Variants in KIF26B observed in about 807,000 individuals in gnomAD.
KIF26B encodes kinesin family member 26B, also known as kinesin-like protein KIF26B.
A neutral mutation model predicts 151.2 loss-of-function variants in KIF26B; 63 were observed. The ratio of observed to expected loss-of-function variants is 0.42; its 90% confidence interval spans 0.34 to 0.51. KIF26B has a LOEUF of 0.51. Ranked by LOEUF, KIF26B falls within the 20% of genes least tolerant of loss-of-function variation. The pLI, the probability that KIF26B is intolerant of heterozygous loss-of-function variation, is 0.07. For missense variants in KIF26B, 2,813 were observed against 2,913.6 expected (o/e 0.97, Z 0.79); for synonymous variants, 1,357 against 1,262.1 (o/e 1.08, Z -1.59).
intron 2 of KIF26B, among the ~76,000 whole-genome samples, chr1:245,280,342 C>G (rs1284093389): frequency 6.9e-6 from 1 of 144,290 alleles, no homozygotes. Flanking sequence ...TGAAACCCGT[C>G]TCTACTAAAA....
intron 4 of KIF26B, among the ~76,000 whole-genome samples, chr1:245,532,872 A>G (rs1661405374): frequency 6.6e-6 from 1 of 152,186 alleles, no homozygotes; most frequent in Admixed American, 6.5e-5. Flanking sequence ...GGATGCTCTT[A>G]TTCCCGATAC....
rs796233719 is a variant in KIF26B, at chr1:245,600,285, G to A, written c.1351-2292G>A. Among the ~76,000 whole-genome samples the A allele has an allele frequency of 6.7e-3, 921 of 137,624 alleles. 13 individuals are homozygous for A. The highest frequency in any genetic ancestry group is 0.023 in the African/African-American group (885 of 37,800). The allele number at this position is 137,624 out of a possible 152,430, so 90.3% of individuals were successfully genotyped here. On this transcript the variant is annotated intron_variant, in intron 5 of 14. Transcript: ENST00000407071. ...TATCTCCTGACCTTGTGATCCGCCC[G>A]CCTCGGCCTCCCAAAGTGCTGGGAT... is the stretch of plus-strand genomic sequence containing the variant.
chr1:245,346,380 G>A (rs558668779), intron 2 of KIF26B, among the ~76,000 whole-genome samples: 12 of 152,076 alleles, frequency 7.9e-5, no homozygotes, highest in African/African-American at 2.2e-4. Context: ...TGGTGCTAGC[G>A]CCTCATCACT....
At chr1:245,521,297 A>AC (rs772398299) in intron 4 of KIF26B, among the ~76,000 whole-genome samples, 22 of 151,466 alleles carry the variant, frequency 1.5e-4, no homozygotes, top group South Asian at 6.3e-4. Context: ...AGATCGCACC[A>AC]CTGCACTCCA....
At chr1:245,500,801 G>A (rs1039503763) in intron 4 of KIF26B, among the ~76,000 whole-genome samples, 9 of 152,246 alleles carry the variant, frequency 5.9e-5, no homozygotes, top group African/African-American at 2.2e-4. Flanking sequence ...GGATAAGAAT[G>A]TGATGAATTA....
At chr1:245,697,469 C>A (rs1410222777) in intron 12 of KIF26B, among the ~76,000 whole-genome samples, 1 of 152,174 alleles carries the variant, frequency 6.6e-6, no homozygotes, top group East Asian at 1.9e-4. Context: ...ACAGTGTTTT[C>A]TGGAACTCCT....
chr1:245,619,603 CAAAA>C (rs34022501), intron 9 of KIF26B, among the ~76,000 whole-genome samples: 2 of 110,772 alleles, frequency 1.8e-5, no homozygotes. Flanking sequence ...GAAACTGTTT[CAAAA>C]AAAAAAAAAA....
intron 4 of KIF26B, among the ~76,000 whole-genome samples, chr1:245,424,241 TG>T (rs1423950716): frequency 6.6e-6 from 1 of 151,966 alleles, no homozygotes; most frequent in Admixed American, 6.6e-5. Context: ...CTGCAACCTC[TG>T]CCTCCCAGGT....
At chr1:245,615,964 G>A (rs1379018295) in intron 9 of KIF26B, among the ~76,000 whole-genome samples, 1 of 152,200 alleles carries the variant, frequency 6.6e-6, no homozygotes, top group Non-Finnish European at 1.5e-5. Context: ...ACTCAATTAG[G>A]GGAAAGTTTA....
intron 3 of KIF26B, among the ~76,000 whole-genome samples, chr1:245,376,837 A>C (rs1246558640): frequency 6.6e-6 from 1 of 151,998 alleles, no homozygotes; most frequent in Non-Finnish European, 1.5e-5. Flanking sequence ...ACAGGTGCCC[A>C]CCACCACACC....
intron 3 of KIF26B, among the ~76,000 whole-genome samples, chr1:245,389,141 T>C (rs753580732): frequency 2.0e-5 from 3 of 152,170 alleles, no homozygotes; most frequent in Non-Finnish European, 2.9e-5. Context: ...GAGACAGAGT[T>C]TCACTCTTGT....
At position 245,611,976 on chromosome 1, in the gene KIF26B, A is replaced by G. The variant is rs894690149; in HGVS notation, c.2098A>G (p.Met700Val). Reference protein sequence around the residue: ...YRMEKSGKGGMSGGRSRLHLI... With the variant: ...YRMEKSGKGGVSGGRSRLHLI... ...GATGGAGAAGAGCGGGAAAGGGGGA[A>G]GTAAGTCGGCCACTCCACCCTCCTG... The change falls in exon 9 of 15, where the codon ATG becomes GTG. Residue 700 changes from methionine to valine, a missense_variant and splice_region_variant. Around this residue, in one of 3 missense-constraint regions of KIF26B, gnomAD observed 2,060 missense variants for 2,088.6 expected, o/e 0.99. Coordinates refer to ENST00000407071, the MANE Select transcript of KIF26B (RefSeq NM_018012.4). 6 of 1,610,196 alleles carry G rather than the reference A, an allele frequency of 3.7e-6. No individual in the cohort carries two copies. Among genetic ancestry groups the G allele is most frequent in the African/African-American group, 2.7e-5 (2 of 74,720 alleles).
chr1:245,465,079 C>T (rs12354186), intron 4 of KIF26B, among the ~76,000 whole-genome samples: 2 of 142,018 alleles, frequency 1.4e-5, no homozygotes, highest in East Asian at 4.2e-4. Context: ...CCCGGGTTCA[C>T]GCCATTCTCC....
At chr1:245,303,361 G>T (rs930625883) in intron 2 of KIF26B, among the ~76,000 whole-genome samples, 5 of 151,052 alleles carry the variant, frequency 3.3e-5, no homozygotes, top group Admixed American at 3.3e-4. Flanking sequence ...ACCACGCCCG[G>T]CTAATTTTTT....
At chr1:245,305,264 C>CT (rs1671514084) in intron 2 of KIF26B, among the ~76,000 whole-genome samples, 1 of 152,044 alleles carries the variant, frequency 6.6e-6, no homozygotes, top group African/African-American at 2.4e-5. Flanking sequence ...AAATGGAAAG[C>CT]TTTTTTTGTT....
rs71636538 is a variant in KIF26B at position 245,287,494 on chromosome 1, C to G, written c.466-79340C>G. Reference sequence around the variant, plus strand: ...GGGTCCCTGTGTGTCTCATCTCTCTCTCTCTTTTTTTTTTTTTTTTTTTCC... The same window carrying G: ...GGGTCCCTGTGTGTCTCATCTCTCTGTCTCTTTTTTTTTTTTTTTTTTTCC... On this transcript the variant is annotated intron_variant, in intron 2 of 14. Coordinates refer to ENST00000407071, the MANE Select transcript of KIF26B (RefSeq NM_018012.4). Among the ~76,000 whole-genome samples, 37 of 113,154 alleles carry G rather than the reference C, an allele frequency of 3.3e-4. No homozygotes were observed. The Middle Eastern group carries it at 0.016, about 49-fold the overall frequency. The allele number at this position is 113,154 out of a possible 152,430, so 74.2% of individuals were successfully genotyped here. A position where few individuals can be genotyped will look rare whatever the true frequency, so the allele number is the denominator to read the frequency against.
At chr1:245,670,663 A>G (rs1210049988) in intron 10 of KIF26B, among the ~76,000 whole-genome samples, 1 of 152,188 alleles carries the variant, frequency 6.6e-6, no homozygotes, top group Admixed American at 6.5e-5. Context: ...AAAATGTGGT[A>G]TGTAAATATA....
At chr1:245,176,584 G>A (rs542490651) in intron 2 of KIF26B, among the ~76,000 whole-genome samples, 4 of 152,186 alleles carry the variant, frequency 2.6e-5, no homozygotes, top group African/African-American at 4.8e-5. Flanking sequence ...CCACGTGTGA[G>A]CCACTCCCCA....
In KIF26B at chr1:245,310,187, A is replaced by C. The variant is rs761122356; in HGVS notation, c.466-56647A>C. 4.7e-4 allele frequency among the ~76,000 whole-genome samples: 71 copies of C among 151,332 alleles called. 1 individual carries two copies. The highest frequency in any genetic ancestry group is 9.1e-4 in the Non-Finnish European group (62 of 67,910). ...TCTCTCTCACTATATGTATATATATATATCCTATTAGTTCTGTTTCTCCAG... is the reference window on the plus strand; with the variant it reads ...TCTCTCTCACTATATGTATATATATCTATCCTATTAGTTCTGTTTCTCCAG... On this transcript the variant is annotated intron_variant, in intron 2 of 14. Coordinates refer to ENST00000407071, the MANE Select transcript of KIF26B (RefSeq NM_018012.4).
Sources: gnomAD v4.1 joint callset for allele counts (sites outside exome capture counted in the v4.1 genomes callset) on GRCh38, gnomAD v4.1.1 for gene constraint, gnomAD v4.1.1 regional missense constraint, MANE v1.5 for transcripts, NCBI Gene and HGNC (gene_info 2026-07-23, HGNC 2026-07-21) for gene names.